GLDC: variants seen among roughly 807,000 people sequenced by gnomAD.
GLDC encodes glycine dehydrogenase (decarboxylating), mitochondrial.
Under a neutral mutation model 121.3 loss-of-function variants are expected in GLDC, and 104 were observed. The observed-to-expected ratio is 0.86, with a 90% CI of 0.73 to 1.01. GLDC has a LOEUF of 1.01. Ranked by LOEUF, GLDC falls within the 50% of genes least tolerant of loss-of-function variation. The pLI is 0.00. For missense variants in GLDC, 1,429 were observed against 1,306.6 expected (o/e 1.09, Z -1.44); for synonymous variants, 546 against 480.6 (o/e 1.14, Z -1.78).
At chr9:6,562,043 G>A (rs943175998) in intron 16 of GLDC, among the ~76,000 whole-genome samples, 1 of 152,200 alleles carries the variant, frequency 6.6e-6, no homozygotes, top group African/African-American at 2.4e-5. Flanking sequence ...AGGAAACTCA[G>A]ACTCTGAACA....
intron 2 of GLDC, among the ~76,000 whole-genome samples, chr9:6,625,518 C>A (rs1563867997): frequency 6.6e-6 from 1 of 152,156 alleles, no homozygotes; most frequent in African/African-American, 2.4e-5. Flanking sequence ...GTAATTCTTC[C>A]AGTGCAGGAC....
chr9:6,640,123 C>T (rs1819598916), intron 2 of GLDC, among the ~76,000 whole-genome samples: 1 of 152,210 alleles, frequency 6.6e-6, no homozygotes, highest in Non-Finnish European at 1.5e-5. Context: ...CACAATAAAG[C>T]TTTCCTCTCC....
intron 2 of GLDC, among the ~76,000 whole-genome samples, chr9:6,636,413 G>A (rs1819503756): frequency 6.6e-6 from 1 of 152,174 alleles, no homozygotes; most frequent in Admixed American, 6.5e-5. Context: ...CTTGTGTGGA[G>A]GCAGTGGGTT....
intron 14 of GLDC, 55 bp downstream of exon 14, chr9:6,588,346 G>A: frequency 8.2e-7 from 1 of 1,214,640 alleles, no homozygotes; most frequent in Non-Finnish European, 1.2e-6. Context: ...GGCTTAGGTG[G>A]AAGCTAGAAC....
chr9:6,593,334 C>CA (rs1277064104), intron 9 of GLDC, among the ~76,000 whole-genome samples: 1 of 149,518 alleles, frequency 6.7e-6, no homozygotes, highest in Non-Finnish European at 1.5e-5. Context: ...ACTCTGTTGT[C>CA]CAGGCTGGAA....
At chr9:6,544,059 T>A (rs1323425889) in intron 21 of GLDC, among the ~76,000 whole-genome samples, 2 of 152,186 alleles carry the variant, frequency 1.3e-5, no homozygotes, top group Admixed American at 1.3e-4. Context: ...CAGACCTTAC[T>A]TATCCCCCAT....
At chr9:6,540,204 C>G (rs894333477) in intron 21 of GLDC, 58 bp from the exon 22 acceptor site, 3 of 1,052,338 alleles carry the variant, frequency 2.9e-6, no homozygotes, top group Non-Finnish European at 4.5e-6. Flanking sequence ...TTTACCCAAA[C>G]AAATGAATAA....
chr9:6,587,015 T>G (rs927469169), intron 15 of GLDC, 126 bp downstream of exon 15: 25 of 786,896 alleles, frequency 3.2e-5, no homozygotes, highest in Non-Finnish European at 4.7e-5. Context: ...CTCTCCCCAG[T>G]GGAGTGGAAC....
intron 9 of GLDC, among the ~76,000 whole-genome samples, chr9:6,593,918 C>T (rs1587951923): frequency 6.6e-6 from 1 of 152,128 alleles, no homozygotes; most frequent in South Asian, 2.1e-4. Context: ...GTCTTGAACT[C>T]CTGACCTCAA....
At chr9:6,584,870 G>A (rs1156381055) in intron 15 of GLDC, among the ~76,000 whole-genome samples, 1 of 152,232 alleles carries the variant, frequency 6.6e-6, no homozygotes, top group Non-Finnish European at 1.5e-5. Flanking sequence ...CCCTCTGCAA[G>A]ATTGGGATAG....
chr9:6,631,559 T>G (rs1304259364), intron 2 of GLDC, among the ~76,000 whole-genome samples: 1 of 152,198 alleles, frequency 6.6e-6, no homozygotes, highest in African/African-American at 2.4e-5. Flanking sequence ...TTCATAGTAT[T>G]TATCTGGAAT....
chr9:6,624,182 G>A (rs1371427852), intron 2 of GLDC, among the ~76,000 whole-genome samples: 2 of 152,214 alleles, frequency 1.3e-5, no homozygotes, highest in African/African-American at 2.4e-5. Flanking sequence ...GGAGGGAGAT[G>A]GATAAGAGGA....
intron 19 of GLDC, 109 bp downstream of exon 19, chr9:6,554,560 T>A: frequency 1.2e-6 from 1 of 820,612 alleles, no homozygotes; most frequent in Non-Finnish European, 2.1e-6. Context: ...ACTACACCGA[T>A]GAGGGTATCC....
chr9:6,579,564 A>T (rs1203548860), intron 15 of GLDC, among the ~76,000 whole-genome samples: 1 of 151,972 alleles, frequency 6.6e-6, no homozygotes, highest in Non-Finnish European at 1.5e-5. Flanking sequence ...TTACTATGTC[A>T]CCCAGGCTGT....
chr9:6,621,714 C>T (rs1028635007), intron 2 of GLDC, among the ~76,000 whole-genome samples: 1 of 152,150 alleles, frequency 6.6e-6, no homozygotes, highest in Non-Finnish European at 1.5e-5. Context: ...GATGGGGTTT[C>T]ACCATATTGG....
At chr9:6,608,127 T>A (rs1240648870) in intron 4 of GLDC, among the ~76,000 whole-genome samples, 1 of 149,450 alleles carries the variant, frequency 6.7e-6, no homozygotes, top group Non-Finnish European at 1.5e-5. Flanking sequence ...AAAAAAACAA[T>A]TGAGGGCCGG....
At chr9:6,573,375 C>T (rs961208552) in intron 15 of GLDC, among the ~76,000 whole-genome samples, 2 of 152,154 alleles carry the variant, frequency 1.3e-5, no homozygotes, top group Admixed American at 6.5e-5. Flanking sequence ...ACACAAGAAT[C>T]GCTTGAGCCC....
At chr9:6,554,955 CT>C in intron 18 of GLDC, 174 bp from the exon 19 acceptor site, 1 of 673,908 alleles carries the variant, frequency 1.5e-6, no homozygotes, top group South Asian at 1.6e-5. Flanking sequence ...TAGTCACAAA[CT>C]GGCATCCGAT....
chr9:6,609,101 G>A (rs1043935599), intron 4 of GLDC, among the ~76,000 whole-genome samples: 1 of 152,166 alleles, frequency 6.6e-6, no homozygotes, highest in African/African-American at 2.4e-5. Context: ...GCCAGCATGT[G>A]TGCGTCTTTC....
Sources: gnomAD v4.1 joint callset for allele counts (sites outside exome capture counted in the v4.1 genomes callset) on GRCh38, gnomAD v4.1.1 for gene constraint, MANE v1.5 for transcripts, NCBI Gene and HGNC (gene_info 2026-07-23, HGNC 2026-07-21) for gene names.